ZNF138: variants seen among roughly 807,000 people sequenced by gnomAD.
The protein encoded by ZNF138 is zinc finger protein 138.
Under a neutral mutation model 33.0 loss-of-function variants are expected in ZNF138, and 33 were observed. That is an observed-to-expected ratio of 1.00 (90% CI 0.76 to 1.34). ZNF138 has a LOEUF of 1.34. Among genes scored for constraint, ZNF138 ranks in the 40% most tolerant of loss-of-function variants. The pLI, the probability that ZNF138 is intolerant of heterozygous loss-of-function variation, is 0.00. For missense variants in ZNF138, 360 were observed against 370.8 expected, an observed-to-expected ratio of 0.97 and a Z score of 0.24; for synonymous variants, 139 against 120.4, an observed-to-expected ratio of 1.15 and a Z score of -1.01.
chr7:64,859,114 G>A, the ZNF138 span, among the ~76,000 whole-genome samples: 1 of 152,048 alleles, frequency 6.6e-6, no homozygotes, highest in Non-Finnish European at 1.5e-5. Flanking sequence ...TTTTAGTAGA[G>A]ATGGTGTTTC....
At chr7:64,830,645 T>C (rs1032426537) in intron 3 of ZNF138, among the ~76,000 whole-genome samples, 3 of 152,112 alleles carry the variant, frequency 2.0e-5, no homozygotes, top group Non-Finnish European at 2.9e-5. Context: ...TTTTAATGCT[T>C]GCTTTCTGAA....
Position 64,794,518 on chromosome 7 carries a change from G to C in ZNF138, c.-51G>C. The C allele has an allele frequency of 1.2e-6, 2 of 1,611,936 alleles. No homozygotes were observed. The highest frequency in any genetic ancestry group is 3.3e-5 in the Admixed American group (2 of 59,944). The stretch of plus-strand genomic sequence containing the variant: ...CCAGCCTCTGTGGCGCTGTGATCTG[G>C]TTATTGGGAGATTCACAGCTAAGAC... On this transcript the variant is annotated 5_prime_UTR_variant, in exon 1 of 4. Coordinates refer to ENST00000307355, the MANE Select transcript of ZNF138 (RefSeq NM_001271639.2).
chr7:64,815,192 T>C (rs1788515872), intron 2 of ZNF138, 148 bp downstream of exon 2: 1 of 913,232 alleles, frequency 1.1e-6, no homozygotes, highest in East Asian at 3.2e-5. Context: ...GATTTGTCAG[T>C]GTAGAAAACA....
intron 1 of ZNF138, among the ~76,000 whole-genome samples, chr7:64,811,287 C>A (rs368763143): frequency 1.3e-5 from 2 of 152,214 alleles, no homozygotes; most frequent in East Asian, 3.8e-4. Context: ...GTAACAGTCC[C>A]TTCAGCACAT....
chr7:64,811,381 TGTC>T (rs748277512), intron 1 of ZNF138, among the ~76,000 whole-genome samples: 7 of 152,214 alleles, frequency 4.6e-5, no homozygotes, highest in Admixed American at 3.3e-4. Context: ...GTGTTGCTGT[TGTC>T]GTCTAGGCTG....
Position 64,822,441 on chromosome 7 carries a change from A to G in ZNF138, c.208+6788A>G, listed in dbSNP as rs549361871. 3.0e-4 allele frequency among the ~76,000 whole-genome samples: 46 copies of G among 151,710 alleles called. 1 individual carries two copies. The highest frequency in any genetic ancestry group is 3.4e-3 in the Middle Eastern group (1 of 294). ...AGATTAACAGTGATTTTTTAGGTCT[A>G]AACATTTTTTTTAAAAAAATATTTT... On this transcript the variant is annotated intron_variant, in intron 3 of 3. Coordinates refer to ENST00000307355, the MANE Select transcript of ZNF138 (RefSeq NM_001271639.2).
intron 1 of ZNF138, among the ~76,000 whole-genome samples, chr7:64,808,501 G>C (rs990513966): frequency 6.6e-6 from 1 of 152,044 alleles, no homozygotes; most frequent in Non-Finnish European, 1.5e-5. Flanking sequence ...TACTTTATTT[G>C]GGCCACTTTA....
chr7:64,795,183 G>A (rs902574783), intron 1 of ZNF138, among the ~76,000 whole-genome samples: 1 of 152,100 alleles, frequency 6.6e-6, no homozygotes, highest in Non-Finnish European at 1.5e-5. Context: ...AGGTTAATTG[G>A]CAGTTTACAG....
At chr7:64,826,528 G>C (rs957884256) in intron 3 of ZNF138, among the ~76,000 whole-genome samples, 1 of 152,106 alleles carries the variant, frequency 6.6e-6, no homozygotes, top group African/African-American at 2.4e-5. Flanking sequence ...TGATCTGCCC[G>C]CCTCGGCTTC....
chr7:64,830,977 T>C, intron 3 of ZNF138: 1 of 1,551,598 alleles, frequency 6.4e-7, no homozygotes, highest in Non-Finnish European at 8.7e-7. Context: ...GACTCAACAT[T>C]TTGTCATTCC....
At chr7:64,838,237 C>T (rs913351457), downstream of ZNF138, among the ~76,000 whole-genome samples, 19 of 152,158 alleles carry the variant, frequency 1.2e-4, no homozygotes, top group Non-Finnish European at 2.1e-4. Context: ...GGAGACACAG[C>T]GGCCGCTCCG....
At chr7:64,813,537 C>T (rs1788355580) in intron 1 of ZNF138, among the ~76,000 whole-genome samples, 1 of 151,770 alleles carries the variant, frequency 6.6e-6, no homozygotes, top group African/African-American at 2.4e-5. Flanking sequence ...GGGTTGACGC[C>T]ATTCTCCTGC....
At chr7:64,806,152 G>A (rs560723390) in intron 1 of ZNF138, among the ~76,000 whole-genome samples, 1 of 152,316 alleles carries the variant, frequency 6.6e-6, no homozygotes, top group African/African-American at 2.4e-5. Context: ...TGCCAACCAA[G>A]CTTTAATCTA....
At chr7:64,845,622 T>A in the ZNF138 span, among the ~76,000 whole-genome samples, 1 of 152,332 alleles carries the variant, frequency 6.6e-6, no homozygotes, top group African/African-American at 2.4e-5. Context: ...GCAATTCTTG[T>A]GGGAGTAAGG....
At chr7:64,841,015 T>G in the ZNF138 span, among the ~76,000 whole-genome samples, 1 of 152,108 alleles carries the variant, frequency 6.6e-6, no homozygotes, top group Non-Finnish European at 1.5e-5. Context: ...TTTTTAAATT[T>G]ATTACTGTAA....
intron 2 of ZNF138, 65 bp from the exon 3 acceptor site, chr7:64,815,511 G>A: frequency 1.4e-6 from 2 of 1,451,410 alleles, no homozygotes; most frequent in African/African-American, 1.4e-5. Context: ...TTGGTAATTG[G>A]AGAATATGAG....
rs567970662 is a variant in ZNF138, at chr7:64,811,410, A to C, written c.4-3508A>C. Among the ~76,000 whole-genome samples, 3 of 152,218 alleles carry C rather than the reference A, an allele frequency of 2.0e-5. No individual in the cohort carries two copies. In the South Asian group the frequency reaches 6.2e-4, roughly 32 times the overall value. On this transcript the variant is annotated intron_variant, in intron 1 of 3. Coordinates refer to ENST00000307355, the MANE Select transcript of ZNF138 (RefSeq NM_001271639.2). ...GTCTAGGCTGGAGTGCAATGGTGGG[A>C]TCTCGACTTACTGCAACCTCTTCCT... is the stretch of plus-strand genomic sequence containing the variant.
intron 1 of ZNF138, among the ~76,000 whole-genome samples, chr7:64,812,324 AT>A (rs370693847): frequency 1.3e-4 from 20 of 149,924 alleles, no homozygotes; most frequent in African/African-American, 4.4e-4. Flanking sequence ...CGCCCGGCTA[AT>A]TTTTTTTTTG....
the ZNF138 span, among the ~76,000 whole-genome samples, chr7:64,839,753 G>A: frequency 6.6e-6 from 1 of 152,154 alleles, no homozygotes; most frequent in Non-Finnish European, 1.5e-5. Flanking sequence ...GACCAGGAGG[G>A]GAGTCTTCCC....
Sources: allele counts gnomAD v4.1 joint callset (sites outside exome capture counted in the v4.1 genomes callset), GRCh38; gene constraint gnomAD v4.1.1; transcripts MANE v1.5; gene names NCBI Gene and HGNC (gene_info 2026-07-23, HGNC 2026-07-21).